The following TNR variants were observed in gnomAD, a reference collection of about 807,000 sequenced individuals.
TNR encodes the protein tenascin-R.
A neutral mutation model predicts 150.4 loss-of-function variants in TNR; 45 were observed. The ratio of observed to expected loss-of-function variants is 0.30; its 90% CI spans 0.24 to 0.38. The LOEUF (loss-of-function observed/expected upper bound fraction) is 0.38, where lower values mean the gene tolerates loss of function less well. Among genes scored for constraint, TNR ranks in the 10% least tolerant of loss-of-function variants. The probability of loss-of-function intolerance (pLI) is 1.00; values close to 1 mark genes in which losing one functional copy is unlikely to be tolerated. For missense variants in TNR, 1,544 were observed against 1,759.1 expected, an observed-to-expected ratio of 0.88 and a Z score of 2.19; for synonymous variants, 687 against 678.4, an observed-to-expected ratio of 1.01 and a Z score of -0.20.
At chr1:175,547,362 C>T (rs544879411) in intron 1 of TNR, among the ~76,000 whole-genome samples, 1 of 152,316 alleles carries the variant, frequency 6.6e-6, no homozygotes, top group East Asian at 1.9e-4. Context: ...CCCTTCCCCA[C>T]AACTTTGAGC....
chr1:175,683,985 C>G (rs766734535), intron 1 of TNR, among the ~76,000 whole-genome samples: 1 of 152,132 alleles, frequency 6.6e-6, no homozygotes. Flanking sequence ...CAGCCTGCTC[C>G]GGGAGCTGGG....
chr1:175,333,708 T>A (rs1650065553), intron 20 of TNR, among the ~76,000 whole-genome samples: 1 of 152,194 alleles, frequency 6.6e-6, no homozygotes, highest in Non-Finnish European at 1.5e-5. Context: ...GAAGCTCACA[T>A]AGCAGAGACA....
chr1:175,740,182 C>T (rs914061807), intron 1 of TNR, among the ~76,000 whole-genome samples: 1 of 152,080 alleles, frequency 6.6e-6, no homozygotes, highest in African/African-American at 2.4e-5. Context: ...GTTTACATAC[C>T]ACATCTATTA....
chr1:175,727,488 GT>G (rs1192030139), intron 1 of TNR, among the ~76,000 whole-genome samples: 2 of 152,206 alleles, frequency 1.3e-5, no homozygotes, highest in East Asian at 3.9e-4. Flanking sequence ...TTTTCAGTAA[GT>G]TTTGCTGTAG....
rs182683050 is a variant in TNR at position 175,467,608 on chromosome 1, T to C, written c.-64+60661A>G. 3.4e-4 allele frequency among the ~76,000 whole-genome samples: 52 copies of C among 151,882 alleles called. No homozygotes were observed. The East Asian group carries it at 9.1e-3, about 27-fold the overall frequency. Reference sequence around the variant, plus strand: ...GGCCACGAGTTTTTGGAGGTGTGAGTCTTGAGGCCACCTGGACCCAGGGGC... The same window carrying C: ...GGCCACGAGTTTTTGGAGGTGTGAGCCTTGAGGCCACCTGGACCCAGGGGC... On this transcript the variant is annotated intron_variant, in intron 2 of 22. Transcript: ENST00000367674.
At chr1:175,583,302 G>A (rs936658341) in intron 1 of TNR, among the ~76,000 whole-genome samples, 1 of 152,208 alleles carries the variant, frequency 6.6e-6, no homozygotes, top group Admixed American at 6.5e-5. Context: ...AGCTGGCATT[G>A]AAGCCTCAGA....
At chr1:175,381,894 C>G (rs772700136) in intron 8 of TNR, among the ~76,000 whole-genome samples, 21 of 152,202 alleles carry the variant, frequency 1.4e-4, no homozygotes, top group Non-Finnish European at 2.6e-4. Context: ...TCATTGCGCT[C>G]TAGCTATATT....
At chr1:175,508,189 A>G (rs1659033393) in intron 2 of TNR, among the ~76,000 whole-genome samples, 1 of 152,184 alleles carries the variant, frequency 6.6e-6, no homozygotes, top group Non-Finnish European at 1.5e-5. Flanking sequence ...TGATGGGTTG[A>G]TATGTGCAGC....
At chr1:175,734,832 A>G (rs921904477) in intron 1 of TNR, among the ~76,000 whole-genome samples, 72 of 152,244 alleles carry the variant, frequency 4.7e-4, no homozygotes, top group African/African-American at 1.6e-3. Context: ...GGCTGGCTCC[A>G]GAGCAAGGCA....
chr1:175,444,536 C>T (rs1655947390), intron 2 of TNR, among the ~76,000 whole-genome samples: 1 of 152,214 alleles, frequency 6.6e-6, no homozygotes, highest in African/African-American at 2.4e-5. Context: ...CTGACTCAAA[C>T]CTGTCCTTCA....
At chr1:175,340,429 C>T (rs1323769906) in intron 18 of TNR, among the ~76,000 whole-genome samples, 2 of 152,222 alleles carry the variant, frequency 1.3e-5, no homozygotes, top group African/African-American at 2.4e-5. Flanking sequence ...TTCACATCTT[C>T]GGAACTTGGA....
At chr1:175,534,010 C>T (rs962411245) in intron 1 of TNR, among the ~76,000 whole-genome samples, 2 of 152,172 alleles carry the variant, frequency 1.3e-5, no homozygotes, top group South Asian at 2.1e-4. Context: ...GCTTTAAGGT[C>T]TGAACTGAAG....
At chr1:175,516,539 C>T (rs1659413904) in intron 2 of TNR, among the ~76,000 whole-genome samples, 1 of 152,194 alleles carries the variant, frequency 6.6e-6, no homozygotes, top group African/African-American at 2.4e-5. Context: ...CTCCCTGACA[C>T]AGCCTCAATC....
chr1:175,653,008 T>A (rs1665047778), intron 1 of TNR, among the ~76,000 whole-genome samples: 1 of 152,216 alleles, frequency 6.6e-6, no homozygotes, highest in Non-Finnish European at 1.5e-5. Flanking sequence ...CCTATAAAGT[T>A]GGCAAACATC....
chr1:175,539,880 T>C (rs149812985), intron 1 of TNR, among the ~76,000 whole-genome samples: 5 of 152,156 alleles, frequency 3.3e-5, no homozygotes, highest in African/African-American at 7.2e-5. Flanking sequence ...CATAAACTAG[T>C]CTCATAAGTT....
At chr1:175,375,554 A>T (rs1652335837) in intron 9 of TNR, among the ~76,000 whole-genome samples, 2 of 152,126 alleles carry the variant, frequency 1.3e-5, no homozygotes, top group African/African-American at 2.4e-5. Context: ...GAGGGAGGTC[A>T]AGAGGGGGTA....
chr1:175,568,317 T>TG (rs1409913793), intron 1 of TNR, among the ~76,000 whole-genome samples: 1 of 151,908 alleles, frequency 6.6e-6, no homozygotes, highest in Non-Finnish European at 1.5e-5. Flanking sequence ...TTTTTTTTTT[T>TG]CTTTTTCCTT....
chr1:175,414,487 A>C (rs1398600545), intron 2 of TNR, among the ~76,000 whole-genome samples: 1 of 152,208 alleles, frequency 6.6e-6, no homozygotes, highest in African/African-American at 2.4e-5. Context: ...GAGTTGCAGT[A>C]ATTCGATAGA....
At chr1:175,610,968 G>T (rs903405500) in intron 1 of TNR, among the ~76,000 whole-genome samples, 1 of 152,172 alleles carries the variant, frequency 6.6e-6, no homozygotes, top group Non-Finnish European at 1.5e-5. Flanking sequence ...CTTGATCACT[G>T]AGCCAGTTTG....
Sources: allele counts gnomAD v4.1 joint callset (sites outside exome capture counted in the v4.1 genomes callset), GRCh38; gene constraint gnomAD v4.1.1; transcripts MANE v1.5; gene names NCBI Gene and HGNC (gene_info 2026-07-23, HGNC 2026-07-21).